Variants in EIF4E3 observed in about 807,000 individuals in gnomAD.
EIF4E3 encodes eukaryotic translation initiation factor 4E family member 3.
Under a neutral mutation model 31.7 loss-of-function variants are expected in EIF4E3, and 26 were observed. The ratio of observed to expected loss-of-function variants is 0.82; its 90% CI spans 0.60 to 1.14. The LOEUF (loss-of-function observed/expected upper bound fraction) is 1.14, where lower values mean the gene tolerates loss of function less well. EIF4E3 is among the 50% of genes most tolerant of loss of function. The pLI, the probability that EIF4E3 is intolerant of heterozygous loss-of-function variation, is 0.00. For synonymous variants in EIF4E3, 128 were observed against 107.7 expected (o/e 1.19, Z -1.17); for missense variants, 304 against 270.9 (o/e 1.12, Z -0.86).
chr3:71,738,935 AG>A (rs2049791535), intron 1 of EIF4E3, among the ~76,000 whole-genome samples: 1 of 146,922 alleles, frequency 6.8e-6, no homozygotes, highest in South Asian at 2.1e-4. Flanking sequence ...AATCAATACC[AG>A]AAAAAGAACC....
chr3:71,752,593 T>A (rs1229408062), intron 1 of EIF4E3, among the ~76,000 whole-genome samples: 1 of 152,190 alleles, frequency 6.6e-6, no homozygotes, highest in Non-Finnish European at 1.5e-5. Flanking sequence ...AATGCGTTGC[T>A]TAATTCTGGC....
rs1309952742 is a variant in EIF4E3 at position 71,690,147 on chromosome 3, A to T, written c.491T>A (p.Val164Asp). The change falls in exon 6 of 7, where the codon GTT becomes GAT. Residue 164 changes from valine (V) to aspartate (D), a missense_variant. Coordinates refer to ENST00000425534, the MANE Select transcript of EIF4E3 (RefSeq NM_001134651.2). ...CAAADDEVIGVSVSVRDREDV... is the reference protein window; with the variant it reads ...CAAADDEVIGDSVSVRDREDV... ...TTCTCGGTCCCGAACACTGACACTAACTCCTATTACTTCATCATCTGAGGG... is the reference window on the plus strand; with the variant it reads ...TTCTCGGTCCCGAACACTGACACTATCTCCTATTACTTCATCATCTGAGGG... The T allele has an allele frequency of 1.9e-6, 3 of 1,609,686 alleles. No homozygotes were observed. The highest frequency in any genetic ancestry group is 1.3e-5 in the African/African-American group (1 of 74,554).
Position 71,684,408 on chromosome 3 carries a change from ATCAGAGTG to A in EIF4E3, c.*266_*273del. Reference sequence around the variant, plus strand: ...TTTTAAACGGCAAAAAAAAAAAAAAATCAGAGTGAAAAGAACAGAGAATTTAGAAAGCC... The same window carrying A: ...TTTTAAACGGCAAAAAAAAAAAAAAAAAAAGAACAGAGAATTTAGAAAGCC... On this transcript the variant is annotated 3_prime_UTR_variant, in exon 7 of 7. Transcript: ENST00000425534. The A allele has an allele frequency of 3.1e-6, 1 of 318,580 alleles. No individual in the cohort carries two copies. The highest frequency in any genetic ancestry group is 5.8e-6 in the Non-Finnish European group (1 of 173,458). The allele number at this position is 318,580 out of a possible 1,614,324, so 19.7% of individuals were successfully genotyped here. A position where few individuals can be genotyped will look rare whatever the true frequency, so the allele number is the denominator to read the frequency against.
In EIF4E3 at chr3:71,725,181, C is replaced by G; in HGVS notation, c.176+11G>C. 9.2e-7 allele frequency: 1 copy of G among 1,087,752 alleles called. No homozygotes were observed. Among genetic ancestry groups the G allele is most frequent in the South Asian group, 3.4e-5 (1 of 29,274 alleles). 67.4% of individuals were successfully genotyped at this position (1,087,752 alleles called of 1,614,324 possible). On this transcript the variant is annotated intron_variant, in intron 1 of 6. Transcript: ENST00000425534. The surrounding 1 kb of genome is among the most constrained non-coding windows in gnomAD (Gnocchi z 6.1). Reference sequence around the variant, plus strand: ...TCGGGGCCGTGCGCGGCGGGCCCCGCGCCCCCTCACCTGTCGAGCCAGAAG... The same window carrying G: ...TCGGGGCCGTGCGCGGCGGGCCCCGGGCCCCCTCACCTGTCGAGCCAGAAG...
the EIF4E3 span, among the ~76,000 whole-genome samples, chr3:71,662,793 A>C: frequency 6.6e-6 from 1 of 152,070 alleles, no homozygotes; most frequent in Non-Finnish European, 1.5e-5. Flanking sequence ...GAGACTTTGC[A>C]GATGTCTTGG....
At chr3:71,738,978 GTA>G (rs56982495) in intron 1 of EIF4E3, among the ~76,000 whole-genome samples, 5,133 of 95,648 alleles carry the variant, frequency 0.054, 355 homozygotes, top group South Asian at 0.16. Context: ...AAATTGAACA[GTA>G]TATATATATA....
intron 6 of EIF4E3, among the ~76,000 whole-genome samples, chr3:71,687,822 G>A (rs1398042684): frequency 6.6e-6 from 1 of 152,096 alleles, no homozygotes; most frequent in African/African-American, 2.4e-5. Context: ...TGTAAACTTG[G>A]GAATACTTAC....
chr3:71,672,792 T>G (rs1056958963), downstream of EIF4E3, among the ~76,000 whole-genome samples: 1 of 152,190 alleles, frequency 6.6e-6, no homozygotes, highest in Non-Finnish European at 1.5e-5. Flanking sequence ...TTTCTTTTTT[T>G]TTTTAAACCT....
At chr3:71,695,588 G>A (rs900435146) in intron 4 of EIF4E3, among the ~76,000 whole-genome samples, 1 of 152,130 alleles carries the variant, frequency 6.6e-6, no homozygotes, top group Non-Finnish European at 1.5e-5. Flanking sequence ...CCAAATAACA[G>A]TAAAATGTTG....
At chr3:71,708,841 C>A (rs1243824596) in intron 2 of EIF4E3, among the ~76,000 whole-genome samples, 1 of 152,166 alleles carries the variant, frequency 6.6e-6, no homozygotes, top group Non-Finnish European at 1.5e-5. Flanking sequence ...GCGTTGATTT[C>A]TCTGGACAGT....
downstream of EIF4E3, among the ~76,000 whole-genome samples, chr3:71,671,918 CAAG>C (rs1199899882): frequency 6.6e-6 from 1 of 151,964 alleles, no homozygotes; most frequent in Non-Finnish European, 1.5e-5. Context: ...AGAGCAATCA[CAAG>C]AAGGATGCAA....
intron 3 of EIF4E3, among the ~76,000 whole-genome samples, chr3:71,697,391 T>C (rs2049154398): frequency 6.6e-6 from 1 of 152,226 alleles, no homozygotes; most frequent in South Asian, 2.1e-4. Context: ...TATCTATCCA[T>C]CACCTCGAGT....
intron 2 of EIF4E3, among the ~76,000 whole-genome samples, chr3:71,705,662 T>C (rs1269684934): frequency 6.6e-6 from 1 of 152,022 alleles, no homozygotes; most frequent in Non-Finnish European, 1.5e-5. Context: ...TTTTCAGGGG[T>C]GGAATTTTTA....
intron 1 of EIF4E3, among the ~76,000 whole-genome samples, chr3:71,752,089 T>G (rs746586111): frequency 6.6e-6 from 1 of 152,202 alleles, no homozygotes; most frequent in Non-Finnish European, 1.5e-5. Flanking sequence ...TTGATTTTCT[T>G]GAAAAATCAC....
upstream of EIF4E3, chr3:71,754,328 G>GGGCTGCA: frequency 8.1e-7 from 1 of 1,234,488 alleles, no homozygotes. This position sits in a 1 kb window ranked among gnomAD's most constrained non-coding sequence, Gnocchi z 5.8. Flanking sequence ...CGGGCGCGCT[G>GGGCTGCA]GGCTGCAAGC....
At chr3:71,703,576 T>C (rs557052803) in intron 2 of EIF4E3, among the ~76,000 whole-genome samples, 2 of 152,262 alleles carry the variant, frequency 1.3e-5, no homozygotes, top group South Asian at 2.1e-4. Flanking sequence ...CCCAATCTGA[T>C]AGCACTGATT....
Position 71,725,219 on chromosome 3 carries a change from T to C in EIF4E3, c.149A>G (p.His50Arg), listed in dbSNP as rs943780445. 20 of 1,138,832 alleles carry C rather than the reference T, an allele frequency of 1.8e-5. No homozygotes were observed. Among genetic ancestry groups the C allele is most frequent in the Non-Finnish European group, 2.2e-5 (20 of 921,882 alleles). The allele number at this position is 1,138,832 out of a possible 1,614,324, so 70.5% of individuals were successfully genotyped here. The change falls in exon 1 of 7, where the codon CAC becomes CGC. Residue 50 changes from histidine to arginine, a missense_variant. Transcript: ENST00000425534. This position sits in a 1 kb window ranked among gnomAD's most constrained non-coding sequence, Gnocchi z 6.1. ...GTCGAGCCAGAAGGTCCAGGACGAG[T>C]GCAGCGGGACCCCGCCCGGCTCAGG... ...LQPEPGGVPL[H>R]SSWTFWLDRS...
At chr3:71,728,662 T>A (rs1461585162), upstream of EIF4E3, 2 of 152,648 alleles carry the variant, frequency 1.3e-5, no homozygotes, top group African/African-American at 2.4e-5. Flanking sequence ...GAGGCACTCA[T>A]AAATAATTAA....
chr3:71,739,100 A>G (rs1460896669), intron 1 of EIF4E3, among the ~76,000 whole-genome samples: 1 of 150,466 alleles, frequency 6.6e-6, no homozygotes, highest in Non-Finnish European at 1.5e-5. Context: ...AGATGCAGCT[A>G]AAGCACTACT....
Sources: gnomAD v4.1 joint callset for allele counts (sites outside exome capture counted in the v4.1 genomes callset) on GRCh38, gnomAD v4.1.1 for gene constraint, Gnocchi (gnomAD v3.1) non-coding constraint, MANE v1.5 for transcripts, NCBI Gene and HGNC (gene_info 2026-07-23, HGNC 2026-07-21) for gene names.